The following LUC7L variants were observed in gnomAD, a reference collection of about 807,000 sequenced individuals.
LUC7L encodes the protein LUC7 like.
LUC7L carries 29 observed loss-of-function variants against 51.1 expected under a neutral mutation model. That is an observed-to-expected ratio of 0.57 (90% CI 0.42 to 0.77). LUC7L has a LOEUF of 0.77. Ranked by LOEUF, LUC7L falls within the 30% of genes least tolerant of loss-of-function variation. The probability of loss-of-function intolerance (pLI) is 0.00; values close to 1 mark genes in which losing one functional copy is unlikely to be tolerated. For missense variants in LUC7L, 403 were observed against 511.9 expected (o/e 0.79, Z 2.05); for synonymous variants, 181 against 180.7 (o/e 1.00, Z -0.01).
chr16:200,604 T>C (rs1325011362), intron 5 of LUC7L, among the ~76,000 whole-genome samples: 3 of 151,746 alleles, frequency 2.0e-5, no homozygotes, highest in East Asian at 1.9e-4. Context: ...ATTCCAGGCC[T>C]GGTGTAGTGA....
chr16:197,826 C>A (rs2049197199), intron 6 of LUC7L, among the ~76,000 whole-genome samples: 1 of 152,204 alleles, frequency 6.6e-6, no homozygotes, highest in African/African-American at 2.4e-5. Context: ...CACTACATTT[C>A]AGGTATACAG....
chr16:206,620 G>GA (rs548562068), intron 4 of LUC7L, among the ~76,000 whole-genome samples: 241 of 152,244 alleles, frequency 1.6e-3, no homozygotes, highest in Middle Eastern at 3.4e-3. Context: ...CCACTGAAGA[G>GA]AAAAACAGAA....
chr16:189,176 T>C lies in LUC7L; in HGVS notation c.*22A>G, dbSNP rs369525452. The stretch of plus-strand genomic sequence containing the variant: ...ACTGTGTGAACGTTTATCAGACTAT[T>C]TACAGCACCCGGGAGACGGGTTCAG... On this transcript the variant is annotated 3_prime_UTR_variant, in exon 10 of 10. Coordinates refer to ENST00000293872, the MANE Select transcript of LUC7L (RefSeq NM_201412.3). The C allele has an allele frequency of 1.1e-4, 177 of 1,604,728 alleles. No homozygotes were observed. The African/African-American group carries it at 2.2e-3, about 20-fold the overall frequency.
chr16:197,158 G>A (rs2049174398), intron 6 of LUC7L, among the ~76,000 whole-genome samples: 3 of 149,308 alleles, frequency 2.0e-5, no homozygotes, highest in African/African-American at 7.4e-5. Context: ...TGCCCGCCTC[G>A]GCCTCCCAAA....
chr16:228,260 A>C (rs1310156270), intron 1 of LUC7L: 1 of 1,298,382 alleles, frequency 7.7e-7, no homozygotes, highest in Admixed American at 2.4e-5. Context: ...TCTAAACTAC[A>C]CTTTTAAAGT....
At chr16:198,884 TG>T (rs2049238626) in intron 6 of LUC7L, among the ~76,000 whole-genome samples, 177 bp downstream of exon 6, 1 of 152,088 alleles carries the variant, frequency 6.6e-6, no homozygotes, top group African/African-American at 2.4e-5. Context: ...TTCACCATGT[TG>T]GTCAGGCTGG....
intron 3 of LUC7L, among the ~76,000 whole-genome samples, chr16:215,343 G>A (rs372411497): frequency 8.6e-5 from 13 of 151,512 alleles, no homozygotes; most frequent in East Asian, 7.8e-4. Flanking sequence ...AAATTGGGCC[G>A]GGCGCGGTGG....
intron 3 of LUC7L, among the ~76,000 whole-genome samples, chr16:214,018 T>G (rs529858007): frequency 9.4e-4 from 138 of 146,930 alleles, no homozygotes; most frequent in African/African-American, 3.4e-3. Flanking sequence ...CTGGCTTGAG[T>G]TGAAATCGTT....
intron 1 of LUC7L, chr16:228,004 G>C (rs2050173299): frequency 9.0e-7 from 1 of 1,116,500 alleles, no homozygotes; most frequent in Non-Finnish European, 1.1e-6. Flanking sequence ...CATTCTTCAA[G>C]ACCTCAGCTG....
intron 5 of LUC7L, among the ~76,000 whole-genome samples, chr16:204,321 G>C (rs1490851195): frequency 1.3e-5 from 2 of 150,910 alleles, no homozygotes; most frequent in African/African-American, 4.8e-5. Flanking sequence ...CATGGGCCGA[G>C]CATGGTGGCT....
In LUC7L at chr16:229,437, C is replaced by T. The variant is rs2050218868; in HGVS notation, c.-98G>A. ...ACGATGGTCGCGTCGGCCTCGAGCC[C>T]ACTCGGCTCTTTCCCGCCGCGGGGG... On this transcript the variant is annotated 5_prime_UTR_variant, in exon 1 of 10. Coordinates refer to ENST00000293872, the MANE Select transcript of LUC7L (RefSeq NM_201412.3). 8.9e-7 allele frequency: 1 copy of T among 1,117,394 alleles called. No homozygotes were observed. The highest frequency in any genetic ancestry group is 1.7e-5 in the African/African-American group (1 of 60,598). The allele number at this position is 1,117,394 out of a possible 1,614,324, so 69.2% of individuals were successfully genotyped here. A position where few individuals can be genotyped will look rare whatever the true frequency, so the allele number is the denominator to read the frequency against.
chr16:223,070 G>A (rs999920896), intron 2 of LUC7L, among the ~76,000 whole-genome samples: 1 of 151,558 alleles, frequency 6.6e-6, no homozygotes, highest in Non-Finnish European at 1.5e-5. Context: ...AAAGCATGTA[G>A]CATGCTAGGC....
rs2049411883 is a variant in LUC7L at position 204,147 on chromosome 16, T to A, written c.510+1857A>T. Among the ~76,000 whole-genome samples, 5 of 151,914 alleles carry A rather than the reference T, an allele frequency of 3.3e-5. No individual in the cohort carries two copies. The South Asian group carries it at 1.0e-3, about 32-fold the overall frequency. On this transcript the variant is annotated intron_variant, in intron 5 of 9. Coordinates refer to ENST00000293872, the MANE Select transcript of LUC7L (RefSeq NM_201412.3). ...ACTATGAGAAAAATTACAAGACTCA[T>A]AAAAGGTATCAAATGGCCTGGCGAA...
chr16:210,847 C>T (rs919070823), intron 3 of LUC7L, among the ~76,000 whole-genome samples: 22 of 150,068 alleles, frequency 1.5e-4, no homozygotes, highest in East Asian at 5.9e-4. Context: ...GTCAGGAGAT[C>T]GAGACCACCC....
intron 2 of LUC7L, among the ~76,000 whole-genome samples, chr16:223,464 C>T (rs746033450): frequency 1.5e-4 from 23 of 152,304 alleles, no homozygotes; most frequent in Non-Finnish European, 2.2e-4. Flanking sequence ...CGGCAGACAA[C>T]GGGTCTGCCT....
intron 5 of LUC7L, among the ~76,000 whole-genome samples, chr16:201,503 G>A (rs187961159): frequency 2.3e-4 from 35 of 150,990 alleles, no homozygotes; most frequent in Admixed American, 9.9e-4. Flanking sequence ...GCAGTGGCAC[G>A]ATCTCAGCTC....
chr16:224,671 A>G (rs2050075341), intron 2 of LUC7L, among the ~76,000 whole-genome samples: 1 of 151,244 alleles, frequency 6.6e-6, no homozygotes, highest in African/African-American at 2.4e-5. Context: ...CTCTACTAAA[A>G]ATACAAAAAA....
At chr16:192,868 A>T in intron 7 of LUC7L, 59 bp downstream of exon 7, 10 of 1,415,862 alleles carry the variant, frequency 7.1e-6, no homozygotes, top group Non-Finnish European at 9.9e-6. Flanking sequence ...AGTGGAATGG[A>T]CCGAGCAGGG....
intron 6 of LUC7L, among the ~76,000 whole-genome samples, chr16:197,838 G>T (rs552894005): frequency 1.7e-3 from 257 of 152,316 alleles, no homozygotes; most frequent in African/African-American, 6.0e-3. Context: ...GGTATACAGG[G>T]GGAGGCTGGC....
Sources: allele counts gnomAD v4.1 joint callset (sites outside exome capture counted in the v4.1 genomes callset), GRCh38; gene constraint gnomAD v4.1.1; transcripts MANE v1.5; gene names NCBI Gene and HGNC (gene_info 2026-07-23, HGNC 2026-07-21).